Variants in BMAL2 observed in about 807,000 individuals in gnomAD.
BMAL2 encodes basic helix-loop-helix ARNT like 2.
At chr12:27,378,659 T>C in the BMAL2 span, among the ~76,000 whole-genome samples, 1 of 152,162 alleles carries the variant, frequency 6.6e-6, no homozygotes, top group African/African-American at 2.4e-5. Context: ...GCTAGTCCTC[T>C]TGGGCAGTGG....
chr12:27,423,209 CTA>C, the BMAL2 span: 1 of 151,532 alleles, frequency 6.6e-6, no homozygotes, highest in African/African-American at 2.4e-5. Flanking sequence ...ATGGTATACA[CTA>C]TGTTCCTTTT....
chr12:27,356,825 G>A, the BMAL2 span, among the ~76,000 whole-genome samples: 1 of 152,034 alleles, frequency 6.6e-6, no homozygotes, highest in African/African-American at 2.4e-5. Context: ...GTTCTTTAGT[G>A]GTGATTTCTG....
the BMAL2 span, among the ~76,000 whole-genome samples, chr12:27,341,914 CTTGT>C: frequency 6.6e-6 from 1 of 152,036 alleles, no homozygotes; most frequent in Non-Finnish European, 1.5e-5. Flanking sequence ...CAGGAGATGT[CTTGT>C]TTGTTTGTTT....
the BMAL2 span, chr12:27,333,267 C>A: frequency 1.4e-6 from 1 of 694,716 alleles, no homozygotes; most frequent in Non-Finnish European, 1.9e-6. Context: ...TGGGACAAGG[C>A]CGCCCCGTGG....
At chr12:27,411,159 G>T in the BMAL2 span, among the ~76,000 whole-genome samples, 7 of 151,926 alleles carry the variant, frequency 4.6e-5, no homozygotes, top group Non-Finnish European at 1.0e-4. Context: ...GCAGGGTCTT[G>T]CTCTATCCCC....
chr12:27,400,576 G>C, the BMAL2 span: 1 of 1,613,806 alleles, frequency 6.2e-7, no homozygotes, highest in Non-Finnish European at 8.5e-7. Flanking sequence ...GGTTACTTGA[G>C]AAGCTGGCCT....
the BMAL2 span, among the ~76,000 whole-genome samples, chr12:27,381,124 T>C: frequency 7.6e-4 from 116 of 152,312 alleles, no homozygotes; most frequent in South Asian, 1.7e-3. Flanking sequence ...ATGCATCACA[T>C]GTTGCCATTC....
At chr12:27,352,402 G>A in the BMAL2 span, among the ~76,000 whole-genome samples, 1 of 152,320 alleles carries the variant, frequency 6.6e-6, no homozygotes, top group East Asian at 1.9e-4. Context: ...ACTAGGCATC[G>A]AAGGAACATA....
the BMAL2 span, among the ~76,000 whole-genome samples, chr12:27,360,803 CAAAAAAAAA>C: frequency 2.6e-4 from 12 of 46,792 alleles, no homozygotes; most frequent in African/African-American, 6.1e-4. Context: ...GTGATTTGTC[CAAAAAAAAA>C]AAAAAAAAAA....
At chr12:27,415,749 T>C in the BMAL2 span, 34 of 705,662 alleles carry the variant, frequency 4.8e-5, no homozygotes, top group Non-Finnish European at 7.9e-5. Flanking sequence ...AAACCTGCTA[T>C]GATACTCAGT....
the BMAL2 span, among the ~76,000 whole-genome samples, chr12:27,333,293 C>T: frequency 6.6e-6 from 1 of 151,838 alleles, no homozygotes; most frequent in Non-Finnish European, 1.5e-5. Flanking sequence ...AGGTGCGGCG[C>T]GGCGCCCGGC....
the BMAL2 span, among the ~76,000 whole-genome samples, chr12:27,352,692 C>T: frequency 6.6e-6 from 1 of 152,212 alleles, no homozygotes; most frequent in Admixed American, 6.5e-5. Flanking sequence ...ATCTAGAAAA[C>T]CCTGAAGGCT....
At chr12:27,403,722 G>A in the BMAL2 span, among the ~76,000 whole-genome samples, 6 of 151,526 alleles carry the variant, frequency 4.0e-5, no homozygotes, top group Admixed American at 2.0e-4. Flanking sequence ...ATACCAACAT[G>A]AAAAAAAACT....
the BMAL2 span, among the ~76,000 whole-genome samples, chr12:27,408,270 G>T: frequency 6.6e-6 from 1 of 152,116 alleles, no homozygotes. Context: ...TGATACCATA[G>T]CCTGGCAGAG....
At chr12:27,341,176 T>TGGCA in the BMAL2 span, among the ~76,000 whole-genome samples, 1 of 113,578 alleles carries the variant, frequency 8.8e-6, no homozygotes, top group Middle Eastern at 6.5e-3. Context: ...GACATCCTTG[T>TGGCA]CTTGTGCCAG....
At chr12:27,335,996 A>G in the BMAL2 span, among the ~76,000 whole-genome samples, 1 of 152,232 alleles carries the variant, frequency 6.6e-6, no homozygotes, top group African/African-American at 2.4e-5. Context: ...TGCTGTGAAC[A>G]TTGAGGTAGC....
chr12:27,346,861 C>T, the BMAL2 span, among the ~76,000 whole-genome samples: 1 of 152,232 alleles, frequency 6.6e-6, no homozygotes, highest in South Asian at 2.1e-4. Context: ...TGGGGTGGAT[C>T]CTTCATGAAT....
chr12:27,338,264 T>G, the BMAL2 span, among the ~76,000 whole-genome samples: 1 of 152,192 alleles, frequency 6.6e-6, no homozygotes, highest in East Asian at 1.9e-4. Flanking sequence ...TTACAAAATC[T>G]ATTAGGCTGG....
chr12:27,370,253 CA>C, the BMAL2 span: 53 of 1,547,876 alleles, frequency 3.4e-5, no homozygotes, highest in South Asian at 5.8e-4. Context: ...CTGTCTTTGA[CA>C]TACTCTCTCC....
Sources: gnomAD v4.1 joint callset for allele counts (sites outside exome capture counted in the v4.1 genomes callset) on GRCh38, gnomAD v4.1.1 for gene constraint, MANE v1.5 for transcripts, NCBI Gene and HGNC (gene_info 2026-07-23, HGNC 2026-07-21) for gene names.